CFAP77: variants seen among roughly 807,000 people sequenced by gnomAD.
The protein encoded by CFAP77 is cilia and flagella associated protein 77.
In CFAP77, 25 loss-of-function variants were observed where a neutral mutation model predicts 31.1. The observed-to-expected ratio is 0.80, with a 90% CI of 0.59 to 1.12. The LOEUF (loss-of-function observed/expected upper bound fraction) is 1.12, where lower values mean the gene tolerates loss of function less well. CFAP77 is among the 50% of genes most tolerant of loss of function. The pLI is 0.00. For synonymous variants in CFAP77, 151 were observed against 159.9 expected, an observed-to-expected ratio of 0.94 and a Z score of 0.42; for missense variants, 377 against 397.3, an observed-to-expected ratio of 0.95 and a Z score of 0.44.
intron 3 of CFAP77, among the ~76,000 whole-genome samples, chr9:132,516,842 C>T (rs1161598495): frequency 6.6e-6 from 1 of 152,100 alleles, no homozygotes; most frequent in African/African-American, 2.4e-5. Context: ...AGCTTTGGTA[C>T]CCACGGGCAA....
At chr9:132,524,264 T>C (rs867851232) in intron 3 of CFAP77, among the ~76,000 whole-genome samples, 1 of 152,056 alleles carries the variant, frequency 6.6e-6, no homozygotes, top group African/African-American at 2.4e-5. Context: ...TTGTGGAAAG[T>C]TCTGGAATAG....
At chr9:132,474,588 G>T (rs549686095) in intron 1 of CFAP77, among the ~76,000 whole-genome samples, 1 of 152,228 alleles carries the variant, frequency 6.6e-6, no homozygotes, top group African/African-American at 2.4e-5. Context: ...ACCAGGGGGG[G>T]AATGCACAGA....
intron 1 of CFAP77, among the ~76,000 whole-genome samples, chr9:132,485,929 G>A (rs904139469): frequency 1.4e-5 from 2 of 140,668 alleles, no homozygotes; most frequent in Admixed American, 7.3e-5. Flanking sequence ...GAGCATACAA[G>A]TGTCATTCAC....
At chr9:132,562,008 T>C (rs1244197170) in intron 5 of CFAP77, among the ~76,000 whole-genome samples, 1 of 151,978 alleles carries the variant, frequency 6.6e-6, no homozygotes, top group African/African-American at 2.4e-5. Flanking sequence ...GGCATGGAGG[T>C]GAATTTACGC....
chr9:132,487,652 T>C (rs1376629252), intron 1 of CFAP77, among the ~76,000 whole-genome samples: 1 of 151,820 alleles, frequency 6.6e-6, no homozygotes, highest in Non-Finnish European at 1.5e-5. Flanking sequence ...GGTTTTTTTT[T>C]TTTTTTTCAC....
Position 132,497,787 on chromosome 9 carries a change from A to G in CFAP77, c.196-908A>G, listed in dbSNP as rs904613313. Among the ~76,000 whole-genome samples, 2 of 152,140 alleles carry G rather than the reference A, an allele frequency of 1.3e-5. No individual in the cohort carries two copies. The highest frequency in any genetic ancestry group is 2.1e-4 in the South Asian group (1 of 4,830). ...GGGAGCCCCAAACATTGTGCCTGGG[A>G]TGCAGTCCGAACCCAGCAAGTGCCC... is the stretch of plus-strand genomic sequence containing the variant. On this transcript the variant is annotated intron_variant, in intron 1 of 5. Coordinates refer to ENST00000393216, the MANE Select transcript of CFAP77 (RefSeq NM_001282957.2). The surrounding 1 kb of genome is among the most constrained non-coding windows in gnomAD (Gnocchi z 4.9).
rs368881318 is a variant in CFAP77, at chr9:132,539,732, C to T, written c.630+2026C>T. On this transcript the variant is annotated intron_variant, in intron 4 of 5. Coordinates refer to ENST00000393216, the MANE Select transcript of CFAP77 (RefSeq NM_001282957.2). This position sits in a 1 kb window ranked among gnomAD's most constrained non-coding sequence, Gnocchi z 4.3. ...TGGCTCTTCTCAGCAGTCTGCAGAA[C>T]GTCAGACACCTCATTAAAGAGCTCG... Among the ~76,000 whole-genome samples, 2 of 152,132 alleles carry T rather than the reference C, an allele frequency of 1.3e-5. No homozygotes were observed. The highest frequency in any genetic ancestry group is 1.9e-4 in the East Asian group (1 of 5,180).
In CFAP77 at chr9:132,475,129, A is replaced by T. The variant is rs1851329767; in HGVS notation, c.196-23566A>T. Reference sequence around the variant, plus strand: ...GATTTAGGACAAGGAGACTTTCATTATCTGCTGGCTGCATTAACCGAGCCT... The same window carrying T: ...GATTTAGGACAAGGAGACTTTCATTTTCTGCTGGCTGCATTAACCGAGCCT... On this transcript the variant is annotated intron_variant, in intron 1 of 5. Transcript: ENST00000393216. Among the ~76,000 whole-genome samples the T allele has an allele frequency of 3.3e-5, 5 of 152,244 alleles. No homozygotes were observed. In the South Asian group the frequency reaches 1.0e-3, roughly 31 times the overall value.
Position 132,458,356 on chromosome 9 carries a change from G to A in CFAP77, c.196-40339G>A, listed in dbSNP as rs572137971. Among the ~76,000 whole-genome samples the A allele has an allele frequency of 4.1e-4, 55 of 135,728 alleles. 2 individuals are homozygous for A. The highest frequency in any genetic ancestry group is 2.5e-3 in the South Asian group (10 of 4,036). The allele number at this position is 135,728 out of a possible 152,430, so 89.0% of individuals were successfully genotyped here. On this transcript the variant is annotated intron_variant, in intron 1 of 5. Transcript: ENST00000393216. ...TGTCTCCCTGGCGGGGGAGGGGGGG[G>A]GGTGTGTATGGAAGGCTCAGCTCAT... is the stretch of plus-strand genomic sequence containing the variant.
At position 132,482,301 on chromosome 9, in the gene CFAP77, C is replaced by G; in HGVS notation, c.196-16394C>G. 3 of 1,608,986 alleles carry G rather than the reference C, an allele frequency of 1.9e-6. No individual in the cohort carries two copies. In the South Asian group the frequency reaches 3.3e-5, roughly 18 times the overall value. On this transcript the variant is annotated intron_variant, in intron 1 of 5. Coordinates refer to ENST00000393216, the MANE Select transcript of CFAP77 (RefSeq NM_001282957.2). ...AAATGATCAAGTGGACTCTGCATTT[C>G]TTTCGTAGGCTGCCGGCCCGGCCTC...
At chr9:132,473,729 G>C (rs2131738213) in intron 1 of CFAP77, among the ~76,000 whole-genome samples, 1 of 152,170 alleles carries the variant, frequency 6.6e-6, no homozygotes, top group East Asian at 1.9e-4. Context: ...TGTCACCCAG[G>C]CTGGAGCGCA....
intron 4 of CFAP77, among the ~76,000 whole-genome samples, chr9:132,538,196 A>G (rs966298752): frequency 6.6e-6 from 1 of 152,248 alleles, no homozygotes; most frequent in Admixed American, 6.5e-5. Flanking sequence ...TTTTATTACA[A>G]ATTAACCAGG....
chr9:132,490,530 G>A lies in CFAP77; in HGVS notation c.196-8165G>A, dbSNP rs2118936589. Among the ~76,000 whole-genome samples the A allele has an allele frequency of 6.6e-6, 1 of 152,240 alleles. No homozygotes were observed. The highest frequency in any genetic ancestry group is 2.1e-4 in the South Asian group (1 of 4,824). On this transcript the variant is annotated intron_variant, in intron 1 of 5. Transcript: ENST00000393216. The surrounding 1 kb of genome is among the most constrained non-coding windows in gnomAD (Gnocchi z 4.6). The stretch of plus-strand genomic sequence containing the variant: ...TCTGTCAGGCAGCTTTTCTCTGTAG[G>A]CTTCTAGAAGGCCCCACTGGACAAG...
intron 3 of CFAP77, among the ~76,000 whole-genome samples, chr9:132,500,126 T>C (rs1292655942): frequency 6.9e-6 from 1 of 145,190 alleles, no homozygotes; most frequent in Non-Finnish European, 1.5e-5. Flanking sequence ...CACTCCAGCC[T>C]GGGCAACAGA....
At chr9:132,464,308 T>C (rs1407816047) in intron 1 of CFAP77, among the ~76,000 whole-genome samples, 1 of 152,024 alleles carries the variant, frequency 6.6e-6, no homozygotes, top group Non-Finnish European at 1.5e-5. Context: ...GCATCTCCCA[T>C]TTTACAAGCG....
At chr9:132,438,541 A>ATTTTTTTTTTTTT (rs10641294) in intron 1 of CFAP77, among the ~76,000 whole-genome samples, 3 of 108,154 alleles carry the variant, frequency 2.8e-5, no homozygotes, top group South Asian at 3.0e-4. Context: ...ATATATATAT[A>ATTTTTTTTTTTTT]TTTTTTTTTT....
Position 132,490,113 on chromosome 9 carries a change from C to T in CFAP77, c.196-8582C>T, listed in dbSNP as rs577052528. On this transcript the variant is annotated intron_variant, in intron 1 of 5. Coordinates refer to ENST00000393216, the MANE Select transcript of CFAP77 (RefSeq NM_001282957.2). The surrounding 1 kb of genome is among the most constrained non-coding windows in gnomAD (Gnocchi z 4.6). Reference sequence around the variant, plus strand: ...AGGGTGGGGACGAATGCCGTATCCTCGCATGACAGACGGACAGAAGGGGAT... The same window carrying T: ...AGGGTGGGGACGAATGCCGTATCCTTGCATGACAGACGGACAGAAGGGGAT... Among the ~76,000 whole-genome samples, 3 of 152,146 alleles carry T rather than the reference C, an allele frequency of 2.0e-5. No homozygotes were observed. The South Asian group carries it at 6.2e-4, about 32-fold the overall frequency.
At chr9:132,430,594 C>T (rs1850396616) in intron 1 of CFAP77, among the ~76,000 whole-genome samples, 1 of 152,202 alleles carries the variant, frequency 6.6e-6, no homozygotes, top group Non-Finnish European at 1.5e-5. Flanking sequence ...CCCAGTCGTT[C>T]CTACCAGATT....
At chr9:132,440,368 T>TAAA (rs2131701871) in intron 1 of CFAP77, among the ~76,000 whole-genome samples, 1 of 152,030 alleles carries the variant, frequency 6.6e-6, no homozygotes, top group East Asian at 1.9e-4. Context: ...ATAATAATAA[T>TAAA]AAACAACTCA....
Sources: gnomAD v4.1 joint callset for allele counts (sites outside exome capture counted in the v4.1 genomes callset) on GRCh38, gnomAD v4.1.1 for gene constraint, Gnocchi (gnomAD v3.1) non-coding constraint, MANE v1.5 for transcripts, NCBI Gene and HGNC (gene_info 2026-07-23, HGNC 2026-07-21) for gene names.